Variants in LRRTM4 observed in about 807,000 individuals in gnomAD.
The protein encoded by LRRTM4 is leucine-rich repeat transmembrane neuronal protein 4.
LRRTM4 carries 25 observed loss-of-function variants against 47.6 expected under a neutral mutation model. The observed-to-expected ratio is 0.53, with a 90% CI of 0.38 to 0.73. The LOEUF is 0.73. Among genes scored for constraint, LRRTM4 ranks in the 30% least tolerant of loss-of-function variants. LRRTM4 has a pLI of 0.00. For synonymous variants in LRRTM4, 311 were observed against 269.5 expected, an observed-to-expected ratio of 1.15 and a Z score of -1.51; for missense variants, 638 against 713.4, an observed-to-expected ratio of 0.89 and a Z score of 1.20.
chr2:77,466,154 G>A (rs1047987383), intron 3 of LRRTM4, among the ~76,000 whole-genome samples: 5 of 152,006 alleles, frequency 3.3e-5, no homozygotes, highest in Non-Finnish European at 5.9e-5. Context: ...ATCAGTTCTC[G>A]GCAGAGTTTC....
chr2:77,055,537 AC>A (rs1375813244), intron 3 of LRRTM4, among the ~76,000 whole-genome samples: 1 of 152,176 alleles, frequency 6.6e-6, no homozygotes, highest in South Asian at 2.1e-4. Context: ...AAGTCAGTAA[AC>A]AACAGGTGCT....
intron 3 of LRRTM4, among the ~76,000 whole-genome samples, chr2:77,304,580 A>G (rs898478800): frequency 3.9e-5 from 6 of 152,140 alleles, no homozygotes; most frequent in Admixed American, 3.9e-4. Context: ...TAGAAGTCAA[A>G]CAGAAAGCAA....
intron 3 of LRRTM4, among the ~76,000 whole-genome samples, chr2:76,982,359 T>C (rs941922786): frequency 6.6e-6 from 1 of 152,028 alleles, no homozygotes; most frequent in Non-Finnish European, 1.5e-5. Context: ...GGGACAAAAA[T>C]ATTTAACCCT....
At chr2:76,806,132 A>G (rs866933606) in intron 3 of LRRTM4, among the ~76,000 whole-genome samples, 3 of 152,224 alleles carry the variant, frequency 2.0e-5, no homozygotes, top group African/African-American at 7.2e-5. Flanking sequence ...AAGCACAATA[A>G]GAATTCAGTT....
At chr2:77,299,912 C>T (rs550961594) in intron 3 of LRRTM4, among the ~76,000 whole-genome samples, 3 of 135,184 alleles carry the variant, frequency 2.2e-5, no homozygotes, top group African/African-American at 8.5e-5. Context: ...AGTGCAGTGG[C>T]GCAATCTCGG....
At chr2:77,035,879 C>T (rs575707615) in intron 3 of LRRTM4, among the ~76,000 whole-genome samples, 1 of 151,920 alleles carries the variant, frequency 6.6e-6, no homozygotes, top group South Asian at 2.1e-4. Context: ...CTTTTTGAAA[C>T]TTTGTCCTCT....
At chr2:77,093,718 A>G (rs570140239) in intron 3 of LRRTM4, among the ~76,000 whole-genome samples, 2,144 of 152,006 alleles carry the variant, frequency 0.014, 75 homozygotes, top group African/African-American at 0.049. Context: ...TGACTTGCAC[A>G]TATACGCCCA....
intron 3 of LRRTM4, among the ~76,000 whole-genome samples, chr2:77,303,486 A>C (rs1677193176): frequency 1.3e-5 from 2 of 152,218 alleles, no homozygotes; most frequent in South Asian, 4.1e-4. Flanking sequence ...AAGCATGATT[A>C]CTTTAAGTGG....
chr2:76,963,753 T>C (rs1365322114), intron 3 of LRRTM4, among the ~76,000 whole-genome samples: 1 of 150,850 alleles, frequency 6.6e-6, no homozygotes, highest in African/African-American at 2.4e-5. Context: ...ACATATTGTT[T>C]ATAATAGTGA....
At chr2:77,496,549 C>T (rs1489169438) in intron 3 of LRRTM4, among the ~76,000 whole-genome samples, 1 of 151,752 alleles carries the variant, frequency 6.6e-6, no homozygotes. Flanking sequence ...GTTAAATTTT[C>T]TCAAACGCTT....
chr2:77,138,407 A>G (rs1444660875), intron 3 of LRRTM4, among the ~76,000 whole-genome samples: 1 of 152,210 alleles, frequency 6.6e-6, no homozygotes, highest in Admixed American at 6.5e-5. Context: ...AGAAATAAAG[A>G]TGTTGTTTGA....
At chr2:77,104,065 C>A (rs1315386232) in intron 3 of LRRTM4, among the ~76,000 whole-genome samples, 1 of 152,086 alleles carries the variant, frequency 6.6e-6, no homozygotes, top group East Asian at 1.9e-4. Flanking sequence ...TTCTATTTTT[C>A]AAACCTTCTC....
intron 3 of LRRTM4, among the ~76,000 whole-genome samples, chr2:77,473,981 G>A (rs1291062715): frequency 6.6e-6 from 1 of 152,068 alleles, no homozygotes; most frequent in African/African-American, 2.4e-5. Flanking sequence ...CTTAGAATGT[G>A]AGCCGGGTGG....
At chr2:76,923,872 A>G (rs548537488) in intron 3 of LRRTM4, among the ~76,000 whole-genome samples, 1 of 152,214 alleles carries the variant, frequency 6.6e-6, no homozygotes, top group Admixed American at 6.6e-5. Context: ...CATTATCTTC[A>G]AAGAGAATAT....
At chr2:77,261,200 G>A (rs10177268) in intron 3 of LRRTM4, among the ~76,000 whole-genome samples, 18,689 of 151,980 alleles carry the variant, frequency 0.12, 3,859 homozygotes, top group African/African-American at 0.42. Flanking sequence ...GAAATTGGAT[G>A]AAAGTAAGCC....
At chr2:77,299,081 G>A (rs944838451) in intron 3 of LRRTM4, among the ~76,000 whole-genome samples, 2 of 151,992 alleles carry the variant, frequency 1.3e-5, no homozygotes, top group African/African-American at 4.8e-5. Context: ...GAGACACAGG[G>A]AGATTCCTTT....
Position 77,054,068 on chromosome 2 carries a change from G to T in LRRTM4, c.1552-305152C>A, listed in dbSNP as rs115484696. Among the ~76,000 whole-genome samples, 934 of 152,110 alleles carry T rather than the reference G, an allele frequency of 6.1e-3. 12 individuals carry two copies. The highest frequency in any genetic ancestry group is 0.022 in the African/African-American group (900 of 41,416). Reference sequence around the variant, plus strand: ...CTAAAATGAAATCTGGCTTTGAATAGTCTCTAGTTTCAAGATATTGTCTCA... The same window carrying T: ...CTAAAATGAAATCTGGCTTTGAATATTCTCTAGTTTCAAGATATTGTCTCA... On this transcript the variant is annotated intron_variant, in intron 3 of 3. Coordinates refer to ENST00000409884, the MANE Select transcript of LRRTM4 (RefSeq NM_001134745.3).
At chr2:77,381,943 A>G (rs1214601703) in intron 3 of LRRTM4, among the ~76,000 whole-genome samples, 1 of 152,102 alleles carries the variant, frequency 6.6e-6, no homozygotes, top group East Asian at 1.9e-4. Flanking sequence ...AATAACAAAC[A>G]TATGAGACAT....
chr2:76,781,669 G>A (rs537705493), intron 3 of LRRTM4, among the ~76,000 whole-genome samples: 2 of 152,354 alleles, frequency 1.3e-5, no homozygotes, highest in Admixed American at 6.5e-5. Context: ...CTCCCAATGA[G>A]ATTAACCCGG....
Sources: allele counts gnomAD v4.1 joint callset (sites outside exome capture counted in the v4.1 genomes callset), GRCh38; gene constraint gnomAD v4.1.1; transcripts MANE v1.5; gene names NCBI Gene and HGNC (gene_info 2026-07-23, HGNC 2026-07-21).